The following FGF10 variants were observed in gnomAD, a reference collection of about 807,000 sequenced individuals.
The protein encoded by FGF10 is fibroblast growth factor 10, also known as FGF-10.
FGF10 carries 2 observed loss-of-function variants against 19.8 expected under a neutral mutation model. The observed-to-expected ratio is 0.10, with a 90% CI of 0.04 to 0.32. The LOEUF is 0.32. Ranked by LOEUF, FGF10 falls within the 10% of genes least tolerant of loss-of-function variation. The pLI is 1.00. For missense variants in FGF10, 191 were observed against 246.3 expected (o/e 0.78, Z 1.50); for synonymous variants, 112 against 94.0 (o/e 1.19, Z -1.10).
At chr5:44,385,186 A>G (rs1046943520) in intron 1 of FGF10, among the ~76,000 whole-genome samples, 19 of 152,174 alleles carry the variant, frequency 1.2e-4, no homozygotes, top group Non-Finnish European at 4.4e-5. Flanking sequence ...TTCTAGCAGG[A>G]GAAACATAAT....
At chr5:44,320,899 T>G (rs1740470470) in intron 1 of FGF10, among the ~76,000 whole-genome samples, 2 of 151,928 alleles carry the variant, frequency 1.3e-5, no homozygotes, top group African/African-American at 2.4e-5. Context: ...TTTGTATATA[T>G]GGGGTTTCAC....
chr5:44,379,523 A>C (rs1243184427), intron 1 of FGF10, among the ~76,000 whole-genome samples: 1 of 152,128 alleles, frequency 6.6e-6, no homozygotes, highest in African/African-American at 2.4e-5. Context: ...CTCCGGGACT[A>C]TACTTTTTAT....
intron 1 of FGF10, among the ~76,000 whole-genome samples, chr5:44,349,422 T>TA (rs1741169151): frequency 2.4e-5 from 1 of 41,412 alleles, no homozygotes; most frequent in Non-Finnish European, 4.4e-5. Flanking sequence ...AGCATTTTCT[T>TA]TATATATATA....
intron 1 of FGF10, among the ~76,000 whole-genome samples, chr5:44,345,214 C>T (rs917228758): frequency 6.6e-6 from 1 of 151,614 alleles, no homozygotes; most frequent in African/African-American, 2.4e-5. Flanking sequence ...AATTCCAAAA[C>T]AAACAATATA....
intron 1 of FGF10, among the ~76,000 whole-genome samples, chr5:44,336,439 A>AT (rs1470122598): frequency 1.3e-5 from 2 of 152,150 alleles, no homozygotes; most frequent in Non-Finnish European, 2.9e-5. Flanking sequence ...AAAATTACTG[A>AT]TTGTCAGATT....
rs1183240121 is a variant in FGF10 at position 44,388,361 on chromosome 5, A to G, written c.322T>C (p.Tyr108His). ...VSGTKKENCP[Y>H]SILEITSVEI... ...GGAGCATGCATTTGTTACTTACTGT[A>G]CGGGCAGTTCTCCTTCTTGGTCCCG... Residue 108 changes from tyrosine to histidine, a missense_variant, in exon 1 of 3, where the codon TAC becomes CAC. Tyr to His is a moderately conservative substitution (Grantham distance 83). This residue lies in a region of FGF10 where 99 missense variants were observed against 161.7 expected (regional missense o/e 0.61). Transcript: ENST00000264664. 1 of 1,613,022 alleles carries G rather than the reference A, an allele frequency of 6.2e-7. No individual in the cohort carries two copies. The highest frequency in any genetic ancestry group is 1.1e-5 in the South Asian group (1 of 91,028).
At chr5:44,368,422 C>A (rs1030279818) in intron 1 of FGF10, among the ~76,000 whole-genome samples, 16 of 152,040 alleles carry the variant, frequency 1.1e-4, no homozygotes, top group Middle Eastern at 3.2e-3. Context: ...AATTTCAAAC[C>A]TCCACACCTC....
chr5:44,334,007 C>A (rs1415633764), intron 1 of FGF10, among the ~76,000 whole-genome samples: 3 of 152,018 alleles, frequency 2.0e-5, no homozygotes, highest in Non-Finnish European at 4.4e-5. Flanking sequence ...CCCACACCCT[C>A]TTTATTTTCA....
At chr5:44,326,006 C>T (rs1051290704) in intron 1 of FGF10, among the ~76,000 whole-genome samples, 4 of 152,180 alleles carry the variant, frequency 2.6e-5, no homozygotes, top group Non-Finnish European at 4.4e-5. Context: ...TGAATAGATA[C>T]ACATCTATCT....
At chr5:44,350,605 T>C (rs954242778) in intron 1 of FGF10, among the ~76,000 whole-genome samples, 1 of 151,184 alleles carries the variant, frequency 6.6e-6, no homozygotes, top group African/African-American at 2.4e-5. Context: ...TGTGTGTATA[T>C]ATATAATATA....
rs906467121 is a variant in FGF10, at chr5:44,308,511, A to T, written c.429+1916T>A. ...CTGGTTCTCTTCCCCAATAATTCTG[A>T]TATAGTAGATCAAGGAAGAACCTGG... On this transcript the variant is annotated intron_variant, in intron 2 of 2. Coordinates refer to ENST00000264664, the MANE Select transcript of FGF10 (RefSeq NM_004465.2). Among the ~76,000 whole-genome samples the T allele has an allele frequency of 6.6e-5, 10 of 152,188 alleles. 1 individual carries two copies. In the South Asian group the frequency reaches 2.1e-3, roughly 32 times the overall value.
intron 1 of FGF10, among the ~76,000 whole-genome samples, chr5:44,341,361 G>T (rs573343120): frequency 6.6e-6 from 1 of 151,658 alleles, no homozygotes; most frequent in Non-Finnish European, 1.5e-5. Flanking sequence ...ACACCACTCC[G>T]TTATACTTCA....
chr5:44,376,797 A>G (rs1239576785), intron 1 of FGF10, among the ~76,000 whole-genome samples: 2 of 152,014 alleles, frequency 1.3e-5, no homozygotes, highest in Non-Finnish European at 2.9e-5. Context: ...GCTACTTACT[A>G]TATTTAGATT....
At chr5:44,344,320 T>C (rs982487131) in intron 1 of FGF10, among the ~76,000 whole-genome samples, 7 of 150,764 alleles carry the variant, frequency 4.6e-5, no homozygotes, top group African/African-American at 1.7e-4. Context: ...CAGATGATAA[T>C]ACCATGTCTG....
At chr5:44,308,214 A>C (rs1474818766) in intron 2 of FGF10, among the ~76,000 whole-genome samples, 1 of 152,232 alleles carries the variant, frequency 6.6e-6, no homozygotes. Flanking sequence ...AGCACAGTCC[A>C]TGAGCTGTGT....
At chr5:44,387,741 CCAAAA>C (rs148064270) in intron 1 of FGF10, among the ~76,000 whole-genome samples, 3 of 151,786 alleles carry the variant, frequency 2.0e-5, no homozygotes, top group African/African-American at 7.3e-5. Flanking sequence ...CATAAGGGAC[CCAAAA>C]CAAAACAAAA....
intron 1 of FGF10, among the ~76,000 whole-genome samples, chr5:44,379,667 C>T (rs1293425244): frequency 1.3e-5 from 2 of 152,184 alleles, no homozygotes; most frequent in Non-Finnish European, 2.9e-5. Context: ...ATCATAGGTT[C>T]TCATTTCAGT....
Position 44,334,579 on chromosome 5 carries a change from A to G in FGF10, c.326-24049T>C, listed in dbSNP as rs186440134. ...TGGAAATGTCTTTAGAGGTCATATT[A>G]AAGAATGTCAGTAATTTGGATTGGA... is the stretch of plus-strand genomic sequence containing the variant. On this transcript the variant is annotated intron_variant, in intron 1 of 2. Transcript: ENST00000264664. Among the ~76,000 whole-genome samples the G allele has an allele frequency of 8.4e-4, 128 of 152,252 alleles. 1 individual carries two copies. Among genetic ancestry groups the G allele is most frequent in the South Asian group, 2.7e-3 (13 of 4,824 alleles).
intron 1 of FGF10, among the ~76,000 whole-genome samples, chr5:44,374,879 T>C (rs1741818029): frequency 5.5e-5 from 1 of 18,034 alleles, no homozygotes; most frequent in South Asian, 0.011. Context: ...CACTTCATGA[T>C]TACACATTTT....
Sources: allele counts gnomAD v4.1 joint callset (sites outside exome capture counted in the v4.1 genomes callset), GRCh38; gene constraint gnomAD v4.1.1; regional missense constraint gnomAD v4.1.1; transcripts MANE v1.5; gene names NCBI Gene and HGNC (gene_info 2026-07-23, HGNC 2026-07-21).